SGK3: variants seen among roughly 807,000 people sequenced by gnomAD.
SGK3 encodes serine/threonine-protein kinase Sgk3.
SGK3 carries 47 observed loss-of-function variants against 68.5 expected under a neutral mutation model. The observed-to-expected ratio is 0.69, with a 90% CI of 0.54 to 0.87. The LOEUF (loss-of-function observed/expected upper bound fraction) is 0.87, where lower values mean the gene tolerates loss of function less well. Among genes scored for constraint, SGK3 ranks in the 40% least tolerant of loss-of-function variants. The probability of loss-of-function intolerance (pLI) is 0.00; values close to 1 mark genes in which losing one functional copy is unlikely to be tolerated. For synonymous variants in SGK3, 181 were observed against 189.1 expected (o/e 0.96, Z 0.35); for missense variants, 479 against 575.5 (o/e 0.83, Z 1.72).
chr8:66,809,985 G>A lies in SGK3; in HGVS notation c.254-3868G>A, dbSNP rs756903256. 1.7e-4 allele frequency among the ~76,000 whole-genome samples: 26 copies of A among 152,190 alleles called. No individual in the cohort carries two copies. In the East Asian group the frequency reaches 3.1e-3, roughly 18 times the overall value. On this transcript the variant is annotated intron_variant, in intron 4 of 16. Coordinates refer to ENST00000521198, the MANE Select transcript of SGK3 (RefSeq NM_001033578.3). ...AGAGCGCTAGCAAGGAGGAAGCCTC[G>A]GTGCCTTCTATGACTTAGTCTTGGA...
chr8:66,765,423 T>A (rs1162924932), intron 1 of SGK3, among the ~76,000 whole-genome samples: 2 of 152,242 alleles, frequency 1.3e-5, no homozygotes, highest in East Asian at 3.8e-4. Flanking sequence ...TTCTGTTGAG[T>A]CAAACAAGTT....
At chr8:66,815,265 T>G (rs1216441180) in intron 5 of SGK3, among the ~76,000 whole-genome samples, 1 of 152,284 alleles carries the variant, frequency 6.6e-6, no homozygotes, top group East Asian at 1.9e-4. Flanking sequence ...TGGTCAGAGA[T>G]ATGGATTTCC....
chr8:66,738,676 G>A (rs959815812), intron 1 of SGK3, among the ~76,000 whole-genome samples: 8 of 151,398 alleles, frequency 5.3e-5, no homozygotes, highest in Non-Finnish European at 1.2e-4. Flanking sequence ...CACCCAAGCT[G>A]GAGTTCAGTG....
Position 66,822,555 on chromosome 8 carries a change from T to C in SGK3, c.417+96T>C, listed in dbSNP as rs529007973. The C allele has an allele frequency of 5.1e-6, 6 of 1,186,070 alleles. No individual in the cohort carries two copies. The Admixed American group carries it at 1.3e-4, about 26-fold the overall frequency. The allele number at this position is 1,186,070 out of a possible 1,614,324, so 73.5% of individuals were successfully genotyped here. A position where few individuals can be genotyped will look rare whatever the true frequency, so the allele number is the denominator to read the frequency against. ...ACTTACTTCAAATGAAGTAATTTCATCCATAGTAGAGTTTCTACTATGTAG... is the reference window on the plus strand; with the variant it reads ...ACTTACTTCAAATGAAGTAATTTCACCCATAGTAGAGTTTCTACTATGTAG... On this transcript the variant is annotated intron_variant, in intron 6 of 16. Coordinates refer to ENST00000521198, the MANE Select transcript of SGK3 (RefSeq NM_001033578.3).
At chr8:66,723,650 G>T (rs745784830) in intron 1 of SGK3, among the ~76,000 whole-genome samples, 1 of 152,008 alleles carries the variant, frequency 6.6e-6, no homozygotes, top group Non-Finnish European at 1.5e-5. Flanking sequence ...TCACCATGTT[G>T]CCCAGGCTGC....
At chr8:66,812,045 T>C (rs1213636394) in intron 4 of SGK3, among the ~76,000 whole-genome samples, 1 of 152,214 alleles carries the variant, frequency 6.6e-6, no homozygotes, top group South Asian at 2.1e-4. Flanking sequence ...TGTTTATATT[T>C]GTATGAAGCC....
intron 1 of SGK3, chr8:66,767,555 C>T (rs759067948): frequency 1.4e-6 from 2 of 1,478,252 alleles, no homozygotes; most frequent in Non-Finnish European, 1.9e-6. Flanking sequence ...TCTCTCTCCT[C>T]ATCAAGTATC....
At chr8:66,812,490 G>A (rs980045578) in intron 4 of SGK3, among the ~76,000 whole-genome samples, 1 of 151,810 alleles carries the variant, frequency 6.6e-6, no homozygotes, top group African/African-American at 2.4e-5. Context: ...CTCAGGAGGT[G>A]AAGTTTGCAG....
At chr8:66,837,068 T>A (rs1809567168) in intron 10 of SGK3, among the ~76,000 whole-genome samples, 1 of 152,168 alleles carries the variant, frequency 6.6e-6, no homozygotes, top group Admixed American at 6.5e-5. Context: ...TTTGTACATA[T>A]AATTTTACCT....
chr8:66,758,471 C>T (rs754034115), intron 1 of SGK3, among the ~76,000 whole-genome samples: 2 of 151,980 alleles, frequency 1.3e-5, no homozygotes, highest in Non-Finnish European at 2.9e-5. Context: ...TAGTAAGTGA[C>T]CACTGAATCT....
chr8:66,715,927 C>T (rs936090477), intron 1 of SGK3, among the ~76,000 whole-genome samples: 1 of 152,182 alleles, frequency 6.6e-6, no homozygotes, highest in Non-Finnish European at 1.5e-5. Flanking sequence ...ATCTGCCTGT[C>T]AACGTTCTTC....
intron 1 of SGK3, among the ~76,000 whole-genome samples, chr8:66,759,025 A>G (rs1806070669): frequency 1.3e-5 from 2 of 151,878 alleles, no homozygotes; most frequent in African/African-American, 2.4e-5. Flanking sequence ...TCCTAGCATC[A>G]GTGGCCCTCT....
intron 5 of SGK3, among the ~76,000 whole-genome samples, chr8:66,816,192 C>T (rs1172435175): frequency 2.0e-5 from 3 of 151,564 alleles, no homozygotes; most frequent in Non-Finnish European, 4.4e-5. Flanking sequence ...TTAGTAGAGA[C>T]GGGGTTTCAC....
At chr8:66,808,352 G>C (rs2130625089) in intron 4 of SGK3, among the ~76,000 whole-genome samples, 1 of 152,186 alleles carries the variant, frequency 6.6e-6, no homozygotes, top group East Asian at 1.9e-4. Flanking sequence ...ATATTGCTAA[G>C]GATAAAAACA....
chr8:66,777,558 A>G (rs1361237991), intron 1 of SGK3, among the ~76,000 whole-genome samples: 1 of 152,176 alleles, frequency 6.6e-6, no homozygotes, highest in Non-Finnish European at 1.5e-5. Flanking sequence ...TTTGTACCCC[A>G]CATGCAAATA....
intron 1 of SGK3, among the ~76,000 whole-genome samples, chr8:66,753,779 A>G (rs1321807398): frequency 2.6e-5 from 4 of 152,166 alleles, no homozygotes; most frequent in Admixed American, 6.6e-5. Context: ...AGATCGTGCC[A>G]TTGCACTCCA....
intron 13 of SGK3, among the ~76,000 whole-genome samples, 154 bp from the exon 14 acceptor site, chr8:66,843,298 G>T (rs550807457): frequency 3.0e-4 from 45 of 152,182 alleles, no homozygotes; most frequent in African/African-American, 1.1e-3. Flanking sequence ...AAGAACCACT[G>T]GTGTAGAATG....
chr8:66,859,467 A>G lies in SGK3; in HGVS notation c.1377A>G (p.Pro459=). 2 of 1,613,142 alleles carry G rather than the reference A, an allele frequency of 1.2e-6. No homozygotes were observed. Among genetic ancestry groups the G allele is most frequent in the Non-Finnish European group, 1.7e-6 (2 of 1,179,330 alleles). ...CAGCATTTACAGAAGAAACAGTTCC[A>G]TATTCTGTGTGTGTATCTTCTGACT... The part of the protein sequence containing the change: ...FDTAFTEETV[P]YSVCVSSDYS... The change falls in exon 17 of 17, where the codon CCA becomes CCG. Residue 459 remains proline (P), a synonymous_variant. Coordinates refer to ENST00000521198, the MANE Select transcript of SGK3 (RefSeq NM_001033578.3).
At chr8:66,813,177 C>T (rs1808447488) in intron 4 of SGK3, among the ~76,000 whole-genome samples, 1 of 152,028 alleles carries the variant, frequency 6.6e-6, no homozygotes, top group African/African-American at 2.4e-5. Flanking sequence ...TTGCTTGAGC[C>T]CAGGATGCAG....
Sources: allele counts gnomAD v4.1 joint callset (sites outside exome capture counted in the v4.1 genomes callset), GRCh38; gene constraint gnomAD v4.1.1; transcripts MANE v1.5; gene names NCBI Gene and HGNC (gene_info 2026-07-23, HGNC 2026-07-21).